The following PCDHGB5 variants were observed in gnomAD, a reference collection of about 807,000 sequenced individuals.
The protein encoded by PCDHGB5 is protocadherin gamma-B5.
A neutral mutation model predicts 62.9 loss-of-function variants in PCDHGB5; 48 were observed. That is an observed-to-expected ratio of 0.76 (90% CI 0.61 to 0.97). The LOEUF (loss-of-function observed/expected upper bound fraction) is 0.97. Among genes scored for constraint, PCDHGB5 ranks in the 50% least tolerant of loss-of-function variants. The pLI is 0.00. For synonymous variants in PCDHGB5, 474 were observed against 511.2 expected (o/e 0.93, Z 0.98); for missense variants, 1,118 against 1,198.6 (o/e 0.93, Z 0.99).
rs200931939 is a variant in PCDHGB5, at chr5:141,423,096, C to T, written c.2397+22572C>T. On this transcript the variant is annotated intron_variant, in intron 1 of 3. Transcript: ENST00000617380. Reference sequence around the variant, plus strand: ...CGGGACTCTTCGCGGTGGGGGAGCACACGGGCGAGGTGCGTACAGCGCGGG... The same window carrying T: ...CGGGACTCTTCGCGGTGGGGGAGCATACGGGCGAGGTGCGTACAGCGCGGG... The T allele has an allele frequency of 3.8e-5, 61 of 1,613,974 alleles. No individual in the cohort carries two copies. In the East Asian group the frequency reaches 1.3e-3, roughly 35 times the overall value.
chr5:141,504,907 A>G (rs2099841813), intron 2 of PCDHGB5, among the ~76,000 whole-genome samples: 1 of 152,100 alleles, frequency 6.6e-6, no homozygotes, highest in African/African-American at 2.4e-5. Context: ...TCACTATGAC[A>G]GGAAGCCAGG....
chr5:141,410,837 TTTTGTC>T, intron 1 of PCDHGB5: 3 of 501,732 alleles, frequency 6.0e-6, no homozygotes. Context: ...ACTGAAGATA[TTTTGTC>T]TTTGTCTTTT....
In PCDHGB5 at chr5:141,422,057, A is replaced by T. The variant is rs1356083259; in HGVS notation, c.2397+21533A>T. 3.1e-6 allele frequency: 5 copies of T among 1,611,974 alleles called. No individual in the cohort carries two copies. The South Asian group carries it at 5.5e-5, about 18-fold the overall frequency. On this transcript the variant is annotated intron_variant, in intron 1 of 3. Transcript: ENST00000617380. The stretch of plus-strand genomic sequence containing the variant: ...GATCCAGACGAGGGAATCAACGGGG[A>T]AGTAATGTATTCATTTCGGAACATG...
Position 141,491,652 on chromosome 5 carries a change from G to T in PCDHGB5, c.2398-3155G>T. ...AGCAGCCCACAGCTCTGGCGCTGGA[G>T]CCTGACGCCATCCGGTCCCGCTCTA... On this transcript the variant is annotated intron_variant, in intron 1 of 3. Transcript: ENST00000617380. The surrounding 1 kb of genome is among the most constrained non-coding windows in gnomAD (Gnocchi z 6.9). The T allele has an allele frequency of 6.2e-7, 1 of 1,613,844 alleles. No homozygotes were observed.
At position 141,398,414 on chromosome 5, in the gene PCDHGB5, G is replaced by C. The variant is rs373274513; in HGVS notation, c.287G>C (p.Cys96Ser). The C allele has an allele frequency of 6.7e-7, 1 of 1,487,954 alleles. No individual in the cohort carries two copies. Among genetic ancestry groups the C allele is most frequent in the Non-Finnish European group, 9.3e-7 (1 of 1,073,352 alleles). 92.2% of individuals were successfully genotyped at this position (1,487,954 alleles called of 1,614,324 possible). Residue 96 changes from cysteine to serine, a missense_variant, in exon 1 of 4, where the codon TGC (cysteine) becomes TCC (serine). Coordinates refer to ENST00000617380, the MANE Select transcript of PCDHGB5 (RefSeq NM_018925.3). The part of the protein sequence containing the change: ...VSSRLDREEI[C>S]GKKPACALEF... ...AGCAGGCTAGACAGGGAGGAGATATGCGGGAAGAAGCCAGCTTGTGCTCTG... is the reference window on the plus strand; with the variant it reads ...AGCAGGCTAGACAGGGAGGAGATATCCGGGAAGAAGCCAGCTTGTGCTCTG...
At chr5:141,401,861 G>A (rs934405271) in intron 1 of PCDHGB5, among the ~76,000 whole-genome samples, 3 of 152,122 alleles carry the variant, frequency 2.0e-5, no homozygotes, top group African/African-American at 7.2e-5. Context: ...TAACCTTTCA[G>A]TAGTTTTCTT....
At chr5:141,400,773 T>A in intron 1 of PCDHGB5, 1 of 572,450 alleles carries the variant, frequency 1.7e-6, no homozygotes, top group East Asian at 2.9e-5. Flanking sequence ...AAACATTTGG[T>A]GCGTTTTTTT....
intron 1 of PCDHGB5, chr5:141,404,726 G>A (rs772532099): frequency 6.2e-7 from 1 of 1,614,094 alleles, no homozygotes; most frequent in Admixed American, 1.7e-5. Context: ...GACCAAGGTG[G>A]TGGCAGTGGA....
intron 1 of PCDHGB5, among the ~76,000 whole-genome samples, chr5:141,407,824 G>C (rs2094986699): frequency 6.6e-6 from 1 of 152,190 alleles, no homozygotes; most frequent in South Asian, 2.1e-4. Context: ...TAATATTATG[G>C]TGAGAGCAAA....
chr5:141,497,110 C>T (rs964183820), intron 2 of PCDHGB5, among the ~76,000 whole-genome samples: 2 of 151,738 alleles, frequency 1.3e-5, no homozygotes, highest in African/African-American at 2.4e-5. Context: ...TGCTTGAACC[C>T]GGAAGGCAGA....
chr5:141,405,204 A>G, intron 1 of PCDHGB5: 1 of 1,613,034 alleles, frequency 6.2e-7, no homozygotes. Flanking sequence ...GCTTTCCTAC[A>G]GACCTATTCT....
chr5:141,502,028 G>A (rs561260963), intron 2 of PCDHGB5, among the ~76,000 whole-genome samples: 62 of 152,150 alleles, frequency 4.1e-4, no homozygotes, highest in African/African-American at 1.5e-3. Flanking sequence ...TGCAACCCCC[G>A]CCGCTTGCCT....
chr5:141,441,840 C>T (rs2098278154), intron 1 of PCDHGB5: 1 of 355,864 alleles, frequency 2.8e-6, no homozygotes, highest in Non-Finnish European at 5.5e-6. Flanking sequence ...GCTTCGCGCT[C>T]TTGGATATGG....
intron 2 of PCDHGB5, among the ~76,000 whole-genome samples, chr5:141,501,026 G>A (rs1053442173): frequency 7.9e-5 from 12 of 151,608 alleles, no homozygotes; most frequent in Non-Finnish European, 1.5e-4. Flanking sequence ...GCGCCACCAC[G>A]CCCAGCTAAT....
chr5:141,472,980 C>CAAAAAAAAAAAAAAAAAAAGAAAAAAAAA (rs60579131), intron 1 of PCDHGB5, among the ~76,000 whole-genome samples: 1 of 86,106 alleles, frequency 1.2e-5, no homozygotes, highest in Admixed American at 1.2e-4. Context: ...GAGTGAAACT[C>CAAAAAAAAAAAAAAAAAAAGAAAAAAAAA]AAAAAAAAAA....
At chr5:141,414,949 G>C (rs774769957) in intron 1 of PCDHGB5, 13 of 1,613,978 alleles carry the variant, frequency 8.1e-6, no homozygotes, top group African/African-American at 1.3e-5. Context: ...CGGCTACCTG[G>C]TGACCAAGGT....
At chr5:141,478,545 A>C in intron 1 of PCDHGB5, 1 of 1,605,606 alleles carries the variant, frequency 6.2e-7, no homozygotes, top group Non-Finnish European at 8.5e-7. Flanking sequence ...CCTCCCGGAC[A>C]GGTAAGGTTT....
At chr5:141,465,730 T>G (rs1373873081) in intron 1 of PCDHGB5, among the ~76,000 whole-genome samples, 2 of 152,186 alleles carry the variant, frequency 1.3e-5, no homozygotes, top group Non-Finnish European at 2.9e-5. Context: ...CCTCTTGTGC[T>G]TTGTTTTCAG....
At chr5:141,468,382 G>T (rs1247387630) in intron 1 of PCDHGB5, 1 of 151,194 alleles carries the variant, frequency 6.6e-6, no homozygotes, top group Non-Finnish European at 1.5e-5. Context: ...GCCATACAAG[G>T]CTACCCATTT....
Sources: allele counts gnomAD v4.1 joint callset (sites outside exome capture counted in the v4.1 genomes callset), GRCh38; gene constraint gnomAD v4.1.1; non-coding constraint Gnocchi (gnomAD v3.1); transcripts MANE v1.5; gene names NCBI Gene and HGNC (gene_info 2026-07-23, HGNC 2026-07-21).